Variants in WDR27 observed in about 807,000 individuals in gnomAD.
The protein encoded by WDR27 is WD repeat-containing protein 27.
In WDR27, 100 loss-of-function variants were observed where a neutral mutation model predicts 114.4. That is an observed-to-expected ratio of 0.87 (90% CI 0.74 to 1.03). WDR27 has a LOEUF of 1.03. WDR27 is among the 50% of genes least tolerant of loss of function. WDR27 has a pLI of 0.00. For missense variants in WDR27, 1,129 were observed against 1,092.9 expected, an observed-to-expected ratio of 1.03 and a Z score of -0.47; for synonymous variants, 449 against 423.1, an observed-to-expected ratio of 1.06 and a Z score of -0.75.
the WDR27 span, among the ~76,000 whole-genome samples, chr6:169,432,704 G>C: frequency 6.6e-6 from 1 of 152,136 alleles, no homozygotes; most frequent in Non-Finnish European, 1.5e-5. Flanking sequence ...CCCTGTCTCA[G>C]GTATGCCTTT....
chr6:169,458,003 A>AGGAGGAGGAGGAGGAGGAGGC (rs1562440025), intron 25 of WDR27, among the ~76,000 whole-genome samples: 1 of 151,392 alleles, frequency 6.6e-6, no homozygotes, highest in African/African-American at 2.4e-5. Context: ...GAGGAGGAGG[A>AGGAGGAGGAGGAGGAGGAGGC]GGAGGTGGTG....
intron 13 of WDR27, among the ~76,000 whole-genome samples, chr6:169,655,237 G>A (rs1250590424): frequency 6.6e-6 from 1 of 152,236 alleles, no homozygotes; most frequent in Non-Finnish European, 1.5e-5. Flanking sequence ...GAGAGGCGGC[G>A]TGTGCTGCTG....
chr6:169,665,615 A>T (rs1412498486), intron 6 of WDR27, 59 bp from the exon 7 acceptor site: 14 of 1,500,270 alleles, frequency 9.3e-6, no homozygotes, highest in Admixed American at 1.8e-5. Flanking sequence ...AATTAACCCG[A>T]GAACTGTCAG....
chr6:169,556,128 T>C (rs1482817998), intron 25 of WDR27, among the ~76,000 whole-genome samples: 2 of 152,154 alleles, frequency 1.3e-5, no homozygotes, highest in Non-Finnish European at 2.9e-5. Flanking sequence ...TTGCTGGCTG[T>C]GAGGAGGCAT....
chr6:169,593,718 G>A (rs920617317), intron 23 of WDR27, among the ~76,000 whole-genome samples: 3 of 152,068 alleles, frequency 2.0e-5, no homozygotes, highest in East Asian at 3.9e-4. Context: ...GCGTGGTGGC[G>A]GGCGCCTGTA....
Position 169,636,464 on chromosome 6 carries a change from A to G in WDR27, c.1910T>C (p.Phe637Ser), listed in dbSNP as rs1391495361. The G allele has an allele frequency of 1.2e-6, 2 of 1,613,814 alleles. No homozygotes were observed. Among genetic ancestry groups the G allele is most frequent in the Non-Finnish European group, 1.7e-6 (2 of 1,179,832 alleles). Residue 637 changes from phenylalanine (F) to serine (S), a missense_variant, in exon 19 of 26, where the codon TTC (phenylalanine) becomes TCC (serine). Transcript: ENST00000448612. ...MFSKPIQSAQ[F>S]YYIDAFILLS... ...CAATATAAAGGCATCTATATAATAG[A>G]ACTGTGCAGACTGTATAGGTTTAGA... is the stretch of plus-strand genomic sequence containing the variant.
chr6:169,491,369 T>C (rs1266986682), intron 25 of WDR27, among the ~76,000 whole-genome samples: 1 of 152,150 alleles, frequency 6.6e-6, no homozygotes, highest in Non-Finnish European at 1.5e-5. Context: ...TAACTATATC[T>C]GAAATGTGAA....
intron 22 of WDR27, among the ~76,000 whole-genome samples, chr6:169,612,632 A>T (rs75136488): frequency 5.4e-3 from 24 of 4,474 alleles, no homozygotes; most frequent in African/African-American, 0.011. Context: ...TGTCTAACAT[A>T]AAAAAAAAAA....
chr6:169,431,908 C>A, the WDR27 span, among the ~76,000 whole-genome samples: 3 of 152,212 alleles, frequency 2.0e-5, no homozygotes, highest in Non-Finnish European at 4.4e-5. Flanking sequence ...TTCCAAAATG[C>A]TTTCAGAACC....
chr6:169,430,338 G>A, the WDR27 span, among the ~76,000 whole-genome samples: 1 of 152,234 alleles, frequency 6.6e-6, no homozygotes, highest in Non-Finnish European at 1.5e-5. Context: ...AGCTAGGCTA[G>A]GGGTATGCTT....
chr6:169,648,480 G>A (rs1821378861), intron 15 of WDR27, among the ~76,000 whole-genome samples: 1 of 152,224 alleles, frequency 6.6e-6, no homozygotes, highest in African/African-American at 2.4e-5. Flanking sequence ...CATTTCACCT[G>A]CATAAGGCCT....
At chr6:169,553,928 T>C (rs1414989251) in intron 25 of WDR27, among the ~76,000 whole-genome samples, 1 of 152,212 alleles carries the variant, frequency 6.6e-6, no homozygotes, top group African/African-American at 2.4e-5. Context: ...TGCCACAAAT[T>C]AGGTCTATGA....
At chr6:169,700,581 G>A (rs1476608733) in intron 1 of WDR27, among the ~76,000 whole-genome samples, 2 of 152,120 alleles carry the variant, frequency 1.3e-5, no homozygotes, top group Non-Finnish European at 2.9e-5. Flanking sequence ...GAGGGCCTAA[G>A]GAAAAAAACC....
the WDR27 span, among the ~76,000 whole-genome samples, chr6:169,451,389 C>G: frequency 2.0e-5 from 3 of 152,108 alleles, no homozygotes; most frequent in Admixed American, 2.0e-4. Flanking sequence ...CAAGCTGTTC[C>G]CCGACCACCA....
chr6:169,458,801 GAAAC>G (rs768483204), intron 25 of WDR27, among the ~76,000 whole-genome samples: 60 of 146,840 alleles, frequency 4.1e-4, no homozygotes, highest in Non-Finnish European at 6.2e-4. Context: ...AAAAAAAAAA[GAAAC>G]AAAGGAAAAG....
intron 23 of WDR27, among the ~76,000 whole-genome samples, chr6:169,584,726 G>A (rs1804222150): frequency 6.6e-6 from 1 of 152,038 alleles, no homozygotes; most frequent in African/African-American, 2.4e-5. Flanking sequence ...GTCTATCCAG[G>A]TCCTTTACTC....
chr6:169,507,694 T>A lies in WDR27; in HGVS notation c.2646-50060A>T, dbSNP rs140811852. Among the ~76,000 whole-genome samples, 372 of 152,336 alleles carry A rather than the reference T, an allele frequency of 2.4e-3. 1 individual carries two copies. Among genetic ancestry groups the A allele is most frequent in the African/African-American group, 8.6e-3 (357 of 41,586 alleles). ...TGCCTGTTTCTGCATATCCAGTAGATAAGAATAATGTTTATATTTTGAAAT... is the reference window on the plus strand; with the variant it reads ...TGCCTGTTTCTGCATATCCAGTAGAAAAGAATAATGTTTATATTTTGAAAT... On this transcript the variant is annotated intron_variant, in intron 25 of 25. Coordinates refer to ENST00000448612, the MANE Select transcript of WDR27 (RefSeq NM_182552.5).
Position 169,513,723 on chromosome 6 carries a change from A to ATTTATAAGTAATTACTTATAAACAATGTG in WDR27, c.2646-56090_2646-56089insCACATTGTTTATAAGTAATTACTTATAAA, listed in dbSNP as rs1562517882. On this transcript the variant is annotated intron_variant, in intron 25 of 25. Transcript: ENST00000448612. ...GTAATTACTTATAAACAATGTGTTT[A>ATTTATAAGTAATTACTTATAAACAATGTG]TTTATAAGTAATTACTTATAAACAG... Among the ~76,000 whole-genome samples, 201 of 149,470 alleles carry ATTTATAAGTAATTACTTATAAACAATGTG rather than the reference A, an allele frequency of 1.3e-3. 5 individuals carry two copies. Among genetic ancestry groups the ATTTATAAGTAATTACTTATAAACAATGTG allele is most frequent in the Admixed American group, 1.7e-3 (25 of 15,090 alleles).
At chr6:169,651,127 G>A (rs1261524616) in intron 14 of WDR27, among the ~76,000 whole-genome samples, 1 of 137,872 alleles carries the variant, frequency 7.3e-6, no homozygotes, top group Non-Finnish European at 1.5e-5. Flanking sequence ...GAGGGTTGGA[G>A]GCTGTCTTTA....
Sources: gnomAD v4.1 joint callset for allele counts (sites outside exome capture counted in the v4.1 genomes callset) on GRCh38, gnomAD v4.1.1 for gene constraint, MANE v1.5 for transcripts, NCBI Gene and HGNC (gene_info 2026-07-23, HGNC 2026-07-21) for gene names.